The following ICA1L variants were observed in gnomAD, a reference collection of about 807,000 sequenced individuals.
ICA1L encodes the protein islet cell autoantigen 1-like protein.
In ICA1L, 50 loss-of-function variants were observed where a neutral mutation model predicts 61.3. The ratio of observed to expected loss-of-function variants is 0.82; its 90% confidence interval spans 0.65 to 1.03. ICA1L has a LOEUF of 1.03. Among genes scored for constraint, ICA1L ranks in the 50% least tolerant of loss-of-function variants. The pLI, the probability that ICA1L is intolerant of heterozygous loss-of-function variation, is 0.00. For missense variants in ICA1L, 508 were observed against 556.7 expected (o/e 0.91, Z 0.88); for synonymous variants, 161 against 191.3 (o/e 0.84, Z 1.31).
chr2:202,812,072 C>A (rs921657645), intron 8 of ICA1L, among the ~76,000 whole-genome samples: 9 of 152,074 alleles, frequency 5.9e-5, no homozygotes, highest in Admixed American at 6.5e-5. Context: ...ACCATCAAAA[C>A]CATAGAGTAA....
intron 1 of ICA1L, among the ~76,000 whole-genome samples, chr2:202,835,740 G>C (rs1384757425): frequency 6.6e-6 from 1 of 151,290 alleles, no homozygotes; most frequent in South Asian, 2.1e-4. Flanking sequence ...GTAGAGATGG[G>C]TGTCTCACTA....
At chr2:202,856,583 C>T (rs1694776248) in intron 1 of ICA1L, among the ~76,000 whole-genome samples, 1 of 152,134 alleles carries the variant, frequency 6.6e-6, no homozygotes, top group East Asian at 1.9e-4. Context: ...GATAAGGATG[C>T]TCACTCTCAT....
At chr2:202,848,504 G>A (rs1303424340) in intron 1 of ICA1L, among the ~76,000 whole-genome samples, 1 of 152,148 alleles carries the variant, frequency 6.6e-6, no homozygotes, top group Non-Finnish European at 1.5e-5. Flanking sequence ...TGGCCTGCTG[G>A]CAAATTAGTC....
chr2:202,853,437 C>T (rs1559148832), intron 1 of ICA1L, among the ~76,000 whole-genome samples: 3 of 151,666 alleles, frequency 2.0e-5, no homozygotes, highest in Admixed American at 6.6e-5. Flanking sequence ...CCATTCAGGA[C>T]ATAGGCATGG....
chr2:202,801,754 C>T (rs968811333), intron 9 of ICA1L, among the ~76,000 whole-genome samples: 1 of 152,182 alleles, frequency 6.6e-6, no homozygotes, highest in Non-Finnish European at 1.5e-5. Context: ...CCTGTGCTGA[C>T]ACGGCCAGAC....
At chr2:202,866,402 C>G (rs1376945258) in intron 1 of ICA1L, among the ~76,000 whole-genome samples, 1 of 152,144 alleles carries the variant, frequency 6.6e-6, no homozygotes, top group African/African-American at 2.4e-5. Context: ...TCTTGTACAG[C>G]CTGCAGAACT....
At chr2:202,816,386 T>G (rs1693535376) in intron 6 of ICA1L, among the ~76,000 whole-genome samples, 2 of 152,224 alleles carry the variant, frequency 1.3e-5, no homozygotes, top group African/African-American at 4.8e-5. Context: ...GTAATCTTTA[T>G]GTTGATGGGA....
intron 1 of ICA1L, chr2:202,869,740 A>G (rs2105896120): frequency 6.6e-6 from 1 of 152,298 alleles, no homozygotes; most frequent in South Asian, 2.1e-4. Flanking sequence ...TATCTCAACT[A>G]AATTAAAAAA....
At chr2:202,859,925 A>C (rs912675114) in intron 1 of ICA1L, among the ~76,000 whole-genome samples, 1 of 152,150 alleles carries the variant, frequency 6.6e-6, no homozygotes, top group African/African-American at 2.4e-5. Context: ...AGTTTCATAA[A>C]GGAAGTAGCC....
At chr2:202,812,647 T>C (rs1300528856) in intron 8 of ICA1L, among the ~76,000 whole-genome samples, 1 of 151,972 alleles carries the variant, frequency 6.6e-6, no homozygotes, top group African/African-American at 2.4e-5. Flanking sequence ...CAGTTGCTAG[T>C]ATTGAAAGTT....
chr2:202,866,490 CAG>C (rs1470978438), intron 1 of ICA1L, among the ~76,000 whole-genome samples: 1 of 152,132 alleles, frequency 6.6e-6, no homozygotes, highest in Non-Finnish European at 1.5e-5. Context: ...AATGGACTAA[CAG>C]AGGTGCCAAA....
At chr2:202,862,851 T>C (rs1170289810) in intron 1 of ICA1L, among the ~76,000 whole-genome samples, 1 of 150,276 alleles carries the variant, frequency 6.7e-6, no homozygotes, top group Non-Finnish European at 1.5e-5. Context: ...AAAAAAAGAA[T>C]AAATATAAAT....
At chr2:202,850,980 A>G (rs1694601990) in intron 1 of ICA1L, among the ~76,000 whole-genome samples, 1 of 152,128 alleles carries the variant, frequency 6.6e-6, no homozygotes, top group African/African-American at 2.4e-5. Context: ...GTGGGGGCCA[A>G]TATTCAACAT....
intron 10 of ICA1L, among the ~76,000 whole-genome samples, chr2:202,791,255 A>G (rs577098317): frequency 3.9e-5 from 6 of 152,366 alleles, no homozygotes. Flanking sequence ...TAGAGCAATC[A>G]GCTGGAAGAA....
chr2:202,832,188 A>G (rs1409542949), intron 1 of ICA1L, among the ~76,000 whole-genome samples: 1 of 152,206 alleles, frequency 6.6e-6, no homozygotes, highest in Non-Finnish European at 1.5e-5. Flanking sequence ...AGAGAAGCAA[A>G]ACAGAATCCA....
At chr2:202,814,070 C>T (rs1023800503) in intron 8 of ICA1L, among the ~76,000 whole-genome samples, 5 of 152,058 alleles carry the variant, frequency 3.3e-5, no homozygotes, top group Non-Finnish European at 7.3e-5. Context: ...GGAAAAAATT[C>T]GTGTAGGATC....
chr2:202,784,944 G>A (rs1285398144), intron 12 of ICA1L, among the ~76,000 whole-genome samples: 1 of 152,092 alleles, frequency 6.6e-6, no homozygotes, highest in Non-Finnish European at 1.5e-5. Context: ...TATGGGCTGG[G>A]CATGGTGGCT....
At chr2:202,840,720 C>A (rs542672849) in intron 1 of ICA1L, 1 of 599,356 alleles carries the variant, frequency 1.7e-6, no homozygotes. Flanking sequence ...GCCTCCAGCT[C>A]GGAGAGCTTG....
chr2:202,804,875 T>A (rs1213395265), intron 9 of ICA1L, among the ~76,000 whole-genome samples: 1 of 152,250 alleles, frequency 6.6e-6, no homozygotes, highest in Non-Finnish European at 1.5e-5. Context: ...TTTTTCTATT[T>A]CCATAATTTG....
Sources: gnomAD v4.1 joint callset for allele counts (sites outside exome capture counted in the v4.1 genomes callset) on GRCh38, gnomAD v4.1.1 for gene constraint, MANE v1.5 for transcripts, NCBI Gene and HGNC (gene_info 2026-07-23, HGNC 2026-07-21) for gene names.